Variants in DEPDC5 observed in about 807,000 individuals in gnomAD.
DEPDC5 encodes GATOR1 complex protein DEPDC5.
DEPDC5 carries 73 observed loss-of-function variants against 217.3 expected under a neutral mutation model. The ratio of observed to expected loss-of-function variants is 0.34; its 90% CI spans 0.28 to 0.41. DEPDC5 has a LOEUF of 0.41. DEPDC5 is among the 10% of genes least tolerant of loss of function. The probability of loss-of-function intolerance (pLI) is 1.00; values close to 1 mark genes in which losing one functional copy is unlikely to be tolerated. For missense variants in DEPDC5, 1,675 were observed against 2,070.1 expected, an observed-to-expected ratio of 0.81 and a Z score of 3.70; for synonymous variants, 733 against 756.7, an observed-to-expected ratio of 0.97 and a Z score of 0.51.
rs778297357 is a variant in DEPDC5 at position 31,821,636 on chromosome 22, A to C, written c.2005A>C (p.Arg669=). 1 of 1,613,180 alleles carries C rather than the reference A, an allele frequency of 6.2e-7. No homozygotes were observed. Among genetic ancestry groups the C allele is most frequent in the Admixed American group, 1.7e-5 (1 of 60,018 alleles). ...LELAYHEAAG[R]HSNSRQPGDG... ...GTTAGCATATCATGAAGCTGCTGGAAGGTGAGGATGTGCACAGGGCTCTGG... is the reference window on the plus strand; with the variant it reads ...GTTAGCATATCATGAAGCTGCTGGACGGTGAGGATGTGCACAGGGCTCTGG... The change falls in exon 23 of 43, where the codon AGG becomes CGG. Residue 669 remains arginine, a splice_region_variant and synonymous_variant. Transcript: ENST00000651528.
intron 38 of DEPDC5, among the ~76,000 whole-genome samples, chr22:31,891,795 A>G (rs546274694): frequency 6.6e-6 from 1 of 152,338 alleles, no homozygotes; most frequent in African/African-American, 2.4e-5. Context: ...AAAAACAAAC[A>G]GAAACCCTAG....
intron 24 of DEPDC5, among the ~76,000 whole-genome samples, chr22:31,830,005 G>A (rs1237665295): frequency 1.3e-5 from 2 of 152,228 alleles, no homozygotes; most frequent in Admixed American, 6.5e-5. Context: ...AATATTAGGT[G>A]CATGCAGTAT....
intron 40 of DEPDC5, 24 bp from the exon 41 acceptor site, chr22:31,901,718 T>C (rs555108205): frequency 1.3e-6 from 2 of 1,599,092 alleles, no homozygotes; most frequent in South Asian, 2.3e-5. Flanking sequence ...CACAACCCAA[T>C]ATTTATTCTT....
chr22:31,838,100 G>T (rs1184498868), intron 26 of DEPDC5, among the ~76,000 whole-genome samples: 3 of 152,010 alleles, frequency 2.0e-5, no homozygotes, highest in Non-Finnish European at 2.9e-5. Flanking sequence ...ACTCCAGTTG[G>T]TTCTGGCTTT....
intron 32 of DEPDC5, chr22:31,857,829 C>A: frequency 3.5e-6 from 1 of 285,906 alleles, no homozygotes; most frequent in Non-Finnish European, 6.5e-6. Flanking sequence ...GCTGGAGGAT[C>A]ACTTGAGCCC....
chr22:31,755,130 G>A (rs1008944799), intron 2 of DEPDC5, 151 bp downstream of exon 2: 72 of 793,858 alleles, frequency 9.1e-5, no homozygotes, highest in Non-Finnish European at 1.1e-4. Flanking sequence ...AGTAACAATA[G>A]GAGGATGGCA....
At chr22:31,855,152 A>G (rs1384987557) in intron 31 of DEPDC5, among the ~76,000 whole-genome samples, 1 of 151,588 alleles carries the variant, frequency 6.6e-6, no homozygotes, top group Admixed American at 6.6e-5. Flanking sequence ...TTTAGTAGAG[A>G]CAGAGTTTCA....
chr22:31,832,811 G>T (rs969264498), intron 24 of DEPDC5, among the ~76,000 whole-genome samples: 1 of 152,128 alleles, frequency 6.6e-6, no homozygotes, highest in African/African-American at 2.4e-5. Flanking sequence ...ATATCTTCTG[G>T]ATGCAAGTCC....
chr22:31,784,190 T>C (rs963072365), intron 9 of DEPDC5: 4 of 430,690 alleles, frequency 9.3e-6, no homozygotes, highest in Non-Finnish European at 4.1e-6. Context: ...TTTTTCAAAC[T>C]GCATTGTATG....
chr22:31,766,472 C>G, intron 5 of DEPDC5, 113 bp from the exon 6 acceptor site: 1 of 944,448 alleles, frequency 1.1e-6, no homozygotes, highest in Admixed American at 2.2e-5. Flanking sequence ...GAATGGTCTT[C>G]CAGTAGTTTT....
intron 8 of DEPDC5, among the ~76,000 whole-genome samples, chr22:31,781,435 A>ATTTAT (rs57912927): frequency 6.6e-6 from 1 of 151,628 alleles, no homozygotes; most frequent in Non-Finnish European, 1.5e-5. Context: ...TTATTTATTT[A>ATTTAT]TTATTATTTT....
intron 22 of DEPDC5, among the ~76,000 whole-genome samples, chr22:31,819,494 G>A (rs372921350): frequency 6.7e-6 from 1 of 149,892 alleles, no homozygotes; most frequent in Non-Finnish European, 1.5e-5. Context: ...TTGAGACAGG[G>A]TCTCACTCTA....
intron 31 of DEPDC5, among the ~76,000 whole-genome samples, chr22:31,854,837 G>C (rs1229304122): frequency 6.6e-6 from 1 of 152,080 alleles, no homozygotes; most frequent in Non-Finnish European, 1.5e-5. Context: ...CAGGGCTAAA[G>C]AGCTACTTTC....
chr22:31,797,772 A>T, intron 13 of DEPDC5, 69 bp downstream of exon 13: 1 of 1,197,834 alleles, frequency 8.3e-7, no homozygotes, highest in Admixed American at 1.8e-5. Flanking sequence ...GAGACAGAGA[A>T]GAGATGTGTG....
At chr22:31,800,159 C>A (rs994085937) in intron 14 of DEPDC5, among the ~76,000 whole-genome samples, 1 of 152,076 alleles carries the variant, frequency 6.6e-6, no homozygotes, top group South Asian at 2.1e-4. Flanking sequence ...GACATCAGGG[C>A]ATTTCCTGGG....
intron 23 of DEPDC5, 44 bp downstream of exon 23, chr22:31,821,681 C>T: frequency 6.3e-7 from 1 of 1,598,276 alleles, no homozygotes; most frequent in Non-Finnish European, 8.6e-7. Context: ...TGAGAACACT[C>T]TCCAGCACCC....
At chr22:31,837,444 G>A in intron 26 of DEPDC5, 1 of 438,608 alleles carries the variant, frequency 2.3e-6, no homozygotes, top group Non-Finnish European at 4.0e-6. Context: ...TCTACCTCCT[G>A]AGTACAAACA....
chr22:31,843,002 A>G (rs928097632), intron 27 of DEPDC5, 93 bp from the exon 28 acceptor site: 12 of 907,882 alleles, frequency 1.3e-5, no homozygotes, highest in Non-Finnish European at 1.8e-5. Flanking sequence ...AGAAAGTGTT[A>G]CATTGTTTTC....
Position 31,815,210 on chromosome 22 carries a change from G to A in DEPDC5, c.1664G>A (p.Arg555Gln), listed in dbSNP as rs199688798. ...VSSSLGYTSTRDVLENMMEPP... is the reference protein window; with the variant it reads ...VSSSLGYTSTQDVLENMMEPP... ...AGCTCCTTGGGATACACCAGCACTC[G>A]AGGTAAGAGTGCTGAAGCACAGACA... Residue 555 changes from arginine (R) to glutamine (Q), a missense_variant and splice_region_variant, in exon 21 of 43, where the codon CGA becomes CAA. Around this residue, in one of 11 missense-constraint regions of DEPDC5, gnomAD observed 628 missense variants for 762.1 expected, o/e 0.82. Coordinates refer to ENST00000651528, the MANE Select transcript of DEPDC5 (RefSeq NM_001242896.3). 25 of 1,613,956 alleles carry A rather than the reference G, an allele frequency of 1.5e-5. No homozygotes were observed. Among genetic ancestry groups the A allele is most frequent in the Admixed American group, 1.0e-4 (6 of 59,994 alleles).
Sources: allele counts gnomAD v4.1 joint callset (sites outside exome capture counted in the v4.1 genomes callset), GRCh38; gene constraint gnomAD v4.1.1; regional missense constraint gnomAD v4.1.1; transcripts MANE v1.5; gene names NCBI Gene and HGNC (gene_info 2026-07-23, HGNC 2026-07-21).